Variants in TNRC6B observed in about 807,000 individuals in gnomAD.
TNRC6B encodes the protein trinucleotide repeat-containing gene 6B protein.
TNRC6B carries 52 observed loss-of-function variants against 203.6 expected under a neutral mutation model. The ratio of observed to expected loss-of-function variants is 0.26; its 90% CI spans 0.20 to 0.32. TNRC6B has a LOEUF of 0.32. Ranked by LOEUF, TNRC6B falls within the 10% of genes least tolerant of loss-of-function variation. The pLI is 1.00. For synonymous variants in TNRC6B, 838 were observed against 845.7 expected (o/e 0.99, Z 0.16); for missense variants, 1,923 against 2,286.2 (o/e 0.84, Z 3.24).
rs9623166 is a variant in TNRC6B at position 40,312,784 on chromosome 22, T to G, written c.4583-118T>G. On this transcript the variant is annotated intron_variant, in intron 18 of 22. Coordinates refer to ENST00000454349, the MANE Select transcript of TNRC6B (RefSeq NM_001162501.2). ...GTAAAAAGATTGCTTTTCACTTTTATTTGTTAGACATATTTTGTCCTCCAT... is the reference window on the plus strand; with the variant it reads ...GTAAAAAGATTGCTTTTCACTTTTAGTTGTTAGACATATTTTGTCCTCCAT... 3,735 of 1,473,504 alleles carry G rather than the reference T, an allele frequency of 2.5e-3. 72 individuals are homozygous for G. In the African/African-American group the frequency reaches 0.046, roughly 18 times the overall value. 91.3% of individuals were successfully genotyped at this position (1,473,504 alleles called of 1,614,324 possible).
chr22:40,058,857 A>T (rs2067823668), intron 1 of TNRC6B, among the ~76,000 whole-genome samples: 1 of 152,122 alleles, frequency 6.6e-6, no homozygotes, highest in Middle Eastern at 3.4e-3. Context: ...TGTTCATGCC[A>T]CCATCCTGAA....
At chr22:40,279,915 G>A in intron 9 of TNRC6B, 80 bp from the exon 10 acceptor site, 1 of 1,274,156 alleles carries the variant, frequency 7.8e-7, no homozygotes, top group Non-Finnish European at 1.1e-6. Context: ...CCCCCATGAG[G>A]ATAGTGGGGC....
intron 1 of TNRC6B, among the ~76,000 whole-genome samples, chr22:40,060,027 C>T (rs2067835903): frequency 6.6e-6 from 1 of 151,632 alleles, no homozygotes; most frequent in Non-Finnish European, 1.5e-5. Flanking sequence ...CGGGGTTTCA[C>T]TGTGTTGGCC....
At position 40,214,281 on chromosome 22, in the gene TNRC6B, T is replaced by TA. The variant is rs1034812245; in HGVS notation, c.6-31724dup. Among the ~76,000 whole-genome samples, 469 of 144,898 alleles carry TA rather than the reference T, an allele frequency of 3.2e-3. 1 individual carries two copies. Among genetic ancestry groups the TA allele is most frequent in the African/African-American group, 7.7e-3 (305 of 39,544 alleles). On this transcript the variant is annotated intron_variant, in intron 1 of 22. Transcript: ENST00000454349. The stretch of plus-strand genomic sequence containing the variant: ...GACTCCATCTCAAAAAATAAAACAT[T>TA]AAAAAAAAAAGGGTAACATGAGGGA...
intron 1 of TNRC6B, among the ~76,000 whole-genome samples, chr22:40,222,894 C>T (rs1327338538): frequency 6.6e-6 from 1 of 151,010 alleles, no homozygotes; most frequent in Admixed American, 6.6e-5. Context: ...TACAGGCGTG[C>T]ACCACCACTT....
chr22:40,307,698 AC>A (rs1417394293), intron 15 of TNRC6B, among the ~76,000 whole-genome samples: 5 of 151,682 alleles, frequency 3.3e-5, no homozygotes, highest in African/African-American at 1.2e-4. Context: ...CGAACTACCC[AC>A]CTACTCAAGC....
chr22:40,274,354 C>T lies in TNRC6B; in HGVS notation c.3141+754C>T, dbSNP rs115953171. On this transcript the variant is annotated intron_variant, in intron 7 of 22. Coordinates refer to ENST00000454349, the MANE Select transcript of TNRC6B (RefSeq NM_001162501.2). ...TTGGGAAATTCCAAGACCCAGAACC[C>T]TTCTCCCGACAAATGAAATACCAGT... Among the ~76,000 whole-genome samples, 474 of 152,064 alleles carry T rather than the reference C, an allele frequency of 3.1e-3. 2 individuals carry two copies. Among genetic ancestry groups the T allele is most frequent in the African/African-American group, 0.011 (454 of 41,480 alleles).
At chr22:40,154,876 T>TATATATATATATAC in intron 3 of TNRC6B, among the ~76,000 whole-genome samples, 1 of 58,088 alleles carries the variant, frequency 1.7e-5, no homozygotes, top group Non-Finnish European at 3.0e-5. Flanking sequence ...TATATATATA[T>TATATATATATATAC]ATATATATAT....
chr22:40,304,666 G>A (rs769269770), intron 15 of TNRC6B, among the ~76,000 whole-genome samples: 14 of 152,184 alleles, frequency 9.2e-5, no homozygotes, highest in Middle Eastern at 3.4e-3. Flanking sequence ...AGGAGTGTTG[G>A]TTACCGTGGA....
At chr22:40,280,549 A>C (rs942145768) in intron 10 of TNRC6B, among the ~76,000 whole-genome samples, 3 of 152,284 alleles carry the variant, frequency 2.0e-5, no homozygotes, top group Non-Finnish European at 2.9e-5. Context: ...CCCAGTTCCT[A>C]GCGATCTGTG....
In TNRC6B at chr22:40,312,603, T is replaced by C. The variant is rs2071199928; in HGVS notation, c.4534T>C (p.Ser1512Pro). The C allele has an allele frequency of 2.5e-6, 4 of 1,613,698 alleles. No homozygotes were observed. The highest frequency in any genetic ancestry group is 3.4e-6 in the Non-Finnish European group (4 of 1,179,934). Residue 1512 changes from serine to proline, a missense_variant, in exon 18 of 23, where the codon TCT (serine) becomes CCT (proline). Coordinates refer to ENST00000454349, the MANE Select transcript of TNRC6B (RefSeq NM_001162501.2). ...PGSVLGGTAT[S>P]PIVDTDHQLL... ...AAGTGTGCTGGGGGGTACAGCCACA[T>C]CTCCCATTGTAGATACTGACCACCA...
intron 3 of TNRC6B, among the ~76,000 whole-genome samples, chr22:40,153,355 G>A (rs942121707): frequency 1.3e-5 from 2 of 152,188 alleles, no homozygotes; most frequent in Admixed American, 6.5e-5. Context: ...CATCCCTAGC[G>A]AGATGTCAGC....
intron 22 of TNRC6B, 56 bp downstream of exon 22, chr22:40,321,285 A>C: frequency 6.3e-7 from 1 of 1,586,284 alleles, no homozygotes; most frequent in Non-Finnish European, 8.6e-7. Flanking sequence ...TGCACCCGTG[A>C]GTATTCTGGC....
chr22:40,154,356 C>T (rs563829709), intron 3 of TNRC6B, among the ~76,000 whole-genome samples: 4 of 150,880 alleles, frequency 2.7e-5, no homozygotes, highest in South Asian at 4.2e-4. Flanking sequence ...CCCAGCTACT[C>T]GGGAGGCTGA....
At chr22:40,150,601 A>G (rs996064657) in intron 3 of TNRC6B, among the ~76,000 whole-genome samples, 13 of 152,172 alleles carry the variant, frequency 8.5e-5, no homozygotes, top group African/African-American at 3.1e-4. Flanking sequence ...ACCCTTGCCC[A>G]CCTGGCAGAA....
Position 40,323,588 on chromosome 22 carries a change from T to C in TNRC6B, c.*347T>C, listed in dbSNP as rs1569071234. 5.7e-6 allele frequency: 1 copy of C among 176,548 alleles called. No individual in the cohort carries two copies. Among genetic ancestry groups the C allele is most frequent in the East Asian group, 1.7e-4 (1 of 5,838 alleles). The allele number at this position is 176,548 out of a possible 1,614,324, so 10.9% of individuals were successfully genotyped here. ...AAATTAGTTTCTAGTTTTTCACTTT[T>C]TTCATGTTATATGGAAGTTGTTGCT... is the stretch of plus-strand genomic sequence containing the variant. On this transcript the variant is annotated 3_prime_UTR_variant, in exon 23 of 23. Coordinates refer to ENST00000454349, the MANE Select transcript of TNRC6B (RefSeq NM_001162501.2).
At chr22:40,155,285 T>C (rs1057133558) in intron 3 of TNRC6B, among the ~76,000 whole-genome samples, 20 of 151,992 alleles carry the variant, frequency 1.3e-4, no homozygotes, top group Admixed American at 1.1e-3. Flanking sequence ...ATGCAAACTT[T>C]TTGTTGTTGT....
chr22:40,146,795 C>T (rs376375554), intron 3 of TNRC6B, among the ~76,000 whole-genome samples: 2 of 151,924 alleles, frequency 1.3e-5, no homozygotes, highest in East Asian at 1.9e-4. Context: ...GAACTCCTGA[C>T]CTCACATAAT....
At chr22:40,273,636 G>A (rs1249651009) in intron 7 of TNRC6B, 36 bp downstream of exon 7, 7 of 1,521,020 alleles carry the variant, frequency 4.6e-6, no homozygotes, top group South Asian at 1.3e-5. Flanking sequence ...TTGCTCATTC[G>A]CTCTGAGAAG....
Sources: gnomAD v4.1 joint callset for allele counts (sites outside exome capture counted in the v4.1 genomes callset) on GRCh38, gnomAD v4.1.1 for gene constraint, MANE v1.5 for transcripts, NCBI Gene and HGNC (gene_info 2026-07-23, HGNC 2026-07-21) for gene names.